Variants in DMD observed in about 807,000 individuals in gnomAD.
The protein encoded by DMD is mutant dystrophin.
A neutral mutation model predicts 330.1 loss-of-function variants in DMD; 63 were observed. That is an observed-to-expected ratio of 0.19 (90% CI 0.16 to 0.24). The LOEUF (loss-of-function observed/expected upper bound fraction) is 0.24, where lower values mean the gene tolerates loss of function less well. Ranked by LOEUF, DMD falls within the 10% of genes least tolerant of loss-of-function variation. The probability of loss-of-function intolerance (pLI) is 1.00; values close to 1 mark genes in which losing one functional copy is unlikely to be tolerated. For missense variants in DMD, 3,344 were observed against 2,684.1 expected (o/e 1.25, Z -5.43); for synonymous variants, 1,223 against 959.8 (o/e 1.27, Z -5.07).
At chrX:32,737,812 A>T (rs936853292) in intron 7 of DMD, among the ~76,000 whole-genome samples, 1 of 111,720 alleles carries the variant, frequency 9.0e-6, no homozygotes, top group African/African-American at 3.2e-5. Context: ...ATAAGCTCTA[A>T]CTTTTGCAAA....
chrX:31,723,809 GCCT>G (rs2085785697), intron 52 of DMD, among the ~76,000 whole-genome samples: 1 of 111,007 alleles, frequency 9.0e-6, no homozygotes, highest in South Asian at 3.8e-4. Flanking sequence ...GTCAAATTCA[GCCT>G]CCTCCTGGAA....
At chrX:32,817,555 T>G (rs1890312331) in intron 5 of DMD, among the ~76,000 whole-genome samples, 1 of 112,022 alleles carries the variant, frequency 8.9e-6, no homozygotes, top group South Asian at 3.7e-4. Context: ...AAAGACTGCT[T>G]TTTAAATATA....
Position 31,845,407 on chromosome X carries a change from CTCTCTCTCTCTCTCTCT to C in DMD, c.7099-8605_7099-8589del, listed in dbSNP as rs1328643567. Among the ~76,000 whole-genome samples, 6 of 105,296 alleles carry C rather than the reference CTCTCTCTCTCTCTCTCT, an allele frequency of 5.7e-5. No homozygotes were observed. In the East Asian group the frequency reaches 1.8e-3, roughly 32 times the overall value. The allele number at this position is 105,296 out of a possible 115,157, so 91.4% of individuals were successfully genotyped here. ...TCTCTCTCTCTCTCTCTCTCTCTCT[CTCTCTCTCTCTCTCTCT>C]CCCTCTCCTCCCGTCCCTCTCTTTC... On this transcript the variant is annotated intron_variant, in intron 48 of 78. Transcript: ENST00000357033.
intron 43 of DMD, among the ~76,000 whole-genome samples, chrX:32,220,645 AATAT>A (rs756358046): frequency 6.5e-4 from 72 of 110,929 alleles, no homozygotes; most frequent in Non-Finnish European, 3.6e-4. Flanking sequence ...AAATGAAAAA[AATAT>A]ATATATATTT....
intron 52 of DMD, among the ~76,000 whole-genome samples, chrX:31,692,627 C>A (rs769257904): frequency 9.0e-6 from 1 of 111,315 alleles, no homozygotes. Context: ...TAAGAGACTA[C>A]GATGAACAAT....
intron 51 of DMD, among the ~76,000 whole-genome samples, chrX:31,730,839 CAT>C (rs1214460215): frequency 2.7e-5 from 3 of 111,607 alleles, no homozygotes; most frequent in South Asian, 7.5e-4. Flanking sequence ...TGTTCTACCA[CAT>C]GAGGCCAATG....
intron 7 of DMD, among the ~76,000 whole-genome samples, chrX:32,748,171 C>G (rs1024898265): frequency 9.2e-6 from 1 of 109,230 alleles, no homozygotes; most frequent in African/African-American, 3.3e-5. Context: ...GGCAAAACCC[C>G]GTTTCTACTA....
intron 41 of DMD, 76 bp downstream of exon 41, chrX:32,342,021 CTTT>C (rs3833416): frequency 1.2e-5 from 12 of 985,648 alleles, no homozygotes; most frequent in Admixed American, 8.3e-5. Flanking sequence ...TTTTTTGTCT[CTTT>C]TTTTTTTATT....
chrX:31,293,163 GGTGTGTGT>G (rs762778210), intron 62 of DMD, among the ~76,000 whole-genome samples: 1 of 70,570 alleles, frequency 1.4e-5, no homozygotes, highest in African/African-American at 8.6e-5. Context: ...CCCCCAACCC[GGTGTGTGT>G]GTGTGTGTGT....
chrX:31,128,038 A>C (rs17338332), intron 77 of DMD, among the ~76,000 whole-genome samples: 4,216 of 111,566 alleles, frequency 0.038, 130 homozygotes, highest in East Asian at 0.15. Context: ...TGTGGGTGTC[A>C]CTAGTGGGAG....
At chrX:32,525,282 C>T (rs2046838672) in intron 17 of DMD, among the ~76,000 whole-genome samples, 1 of 112,013 alleles carries the variant, frequency 8.9e-6, no homozygotes, top group African/African-American at 3.2e-5. Flanking sequence ...TTAACATGTA[C>T]CACCATCTCT....
chrX:31,992,691 C>T (rs767081513), intron 44 of DMD, among the ~76,000 whole-genome samples: 3 of 110,844 alleles, frequency 2.7e-5, no homozygotes, highest in Admixed American at 9.7e-5. Flanking sequence ...ATATTTTTTT[C>T]AATTTATATA....
At chrX:32,182,359 C>T (rs1186223065) in intron 44 of DMD, among the ~76,000 whole-genome samples, 1 of 111,778 alleles carries the variant, frequency 8.9e-6, no homozygotes, top group African/African-American at 3.2e-5. Flanking sequence ...TACCTAAATA[C>T]AGAAATACTT....
chrX:31,211,585 C>T (rs1270120707), intron 64 of DMD, among the ~76,000 whole-genome samples: 4 of 112,132 alleles, frequency 3.6e-5, no homozygotes, highest in African/African-American at 1.3e-4. Context: ...CTTATTTAGC[C>T]GTGTGATGGA....
At chrX:31,299,246 T>C (rs1286612837) in intron 62 of DMD, among the ~76,000 whole-genome samples, 1 of 112,048 alleles carries the variant, frequency 8.9e-6, no homozygotes, top group African/African-American at 3.2e-5. Context: ...CAAAATTAAT[T>C]ACTACGGATG....
chrX:32,723,174 C>T (rs1362763533), intron 7 of DMD, among the ~76,000 whole-genome samples: 1 of 111,499 alleles, frequency 9.0e-6, no homozygotes, highest in East Asian at 2.8e-4. Flanking sequence ...GCTTTTTCTG[C>T]ATGTATTGAG....
chrX:32,426,143 C>T (rs932141900), intron 29 of DMD, among the ~76,000 whole-genome samples: 1 of 111,834 alleles, frequency 8.9e-6, no homozygotes, highest in African/African-American at 3.2e-5. Flanking sequence ...AATTAAATTA[C>T]ACAACTTCCT....
At chrX:32,873,434 T>C (rs1199732261) in intron 2 of DMD, among the ~76,000 whole-genome samples, 1 of 110,855 alleles carries the variant, frequency 9.0e-6, no homozygotes, top group Non-Finnish European at 1.9e-5. Flanking sequence ...ATGAGCCCGT[T>C]ATGACATGCA....
intron 48 of DMD, among the ~76,000 whole-genome samples, chrX:31,867,776 C>T (rs971757957): frequency 9.0e-6 from 1 of 110,814 alleles, no homozygotes; most frequent in African/African-American, 3.3e-5. Context: ...GTGTCCATGA[C>T]ACATCCTGGT....
Sources: gnomAD v4.1 joint callset for allele counts (sites outside exome capture counted in the v4.1 genomes callset) on GRCh38, gnomAD v4.1.1 for gene constraint, MANE v1.5 for transcripts, NCBI Gene and HGNC (gene_info 2026-07-23, HGNC 2026-07-21) for gene names.